Variants in NYNRIN observed in about 807,000 individuals in gnomAD.
The protein encoded by NYNRIN is NYN domain and retroviral integrase containing.
A neutral mutation model predicts 146.6 loss-of-function variants in NYNRIN; 86 were observed. The observed-to-expected ratio is 0.59, with a 90% confidence interval of 0.49 to 0.70. The LOEUF (loss-of-function observed/expected upper bound fraction) is 0.70. Among genes scored for constraint, NYNRIN ranks in the 30% least tolerant of loss-of-function variants. The probability of loss-of-function intolerance (pLI) is 0.00; values close to 1 mark genes in which losing one functional copy is unlikely to be tolerated. For synonymous variants in NYNRIN, 1,027 were observed against 1,001.3 expected (o/e 1.03, Z -0.48); for missense variants, 2,191 against 2,377.7 (o/e 0.92, Z 1.63).
chr14:24,416,596 A>G lies in NYNRIN; in HGVS notation c.4847A>G (p.Asn1616Ser), dbSNP rs775691938. The G allele has an allele frequency of 1.2e-6, 2 of 1,613,952 alleles. No homozygotes were observed. The highest frequency in any genetic ancestry group is 3.3e-5 in the Admixed American group (2 of 60,034). ...WPLRSTAPWSNLQIEVVGPVT... is the reference protein window; with the variant it reads ...WPLRSTAPWSSLQIEVVGPVT... Reference sequence around the variant, plus strand: ...CTCAGGTCGACCGCCCCCTGGTCGAACCTGCAGATCGAGGTGGTGGGCCCG... The same window carrying G: ...CTCAGGTCGACCGCCCCCTGGTCGAGCCTGCAGATCGAGGTGGTGGGCCCG... The change falls in exon 9 of 9, where the codon AAC becomes AGC. Residue 1616 changes from asparagine to serine, a missense_variant. Asn to Ser is a conservative substitution (Grantham distance 46). Transcript: ENST00000382554.
intron 8 of NYNRIN, among the ~76,000 whole-genome samples, chr14:24,413,821 C>T (rs975051095): frequency 7.2e-5 from 11 of 152,206 alleles, no homozygotes; most frequent in Admixed American, 2.6e-4. Context: ...CTGTTGGGTC[C>T]GAGGCTGCAG....
In NYNRIN at chr14:24,413,112, C is replaced by T. The variant is rs763286017; in HGVS notation, c.2744+14C>T. On this transcript the variant is annotated intron_variant, in intron 7 of 8. Coordinates refer to ENST00000382554, the MANE Select transcript of NYNRIN (RefSeq NM_025081.3). ...GGTCAAAGATCGGTAAGATGGTCCCCAGAGGCTTGAGCCATTCCTTCCCCT... is the reference window on the plus strand; with the variant it reads ...GGTCAAAGATCGGTAAGATGGTCCCTAGAGGCTTGAGCCATTCCTTCCCCT... 1.3e-6 allele frequency: 2 copies of T among 1,548,716 alleles called. No individual in the cohort carries two copies. The highest frequency in any genetic ancestry group is 1.4e-5 in the African/African-American group (1 of 73,626).
Position 24,418,655 on chromosome 14 carries a change from C to T in NYNRIN, c.*1209C>T, listed in dbSNP as rs568574812. The T allele has an allele frequency of 2.2e-4, 36 of 164,684 alleles. No homozygotes were observed. Among genetic ancestry groups the T allele is most frequent in the South Asian group, 8.7e-4 (6 of 6,880 alleles). The allele number at this position is 164,684 out of a possible 1,614,324, so 10.2% of individuals were successfully genotyped here. ...GGGCTCCAGGTGAAGGCCAGTGCCA[C>T]GTCACTCTGGCTGGCCTTCTTAGTA... On this transcript the variant is annotated 3_prime_UTR_variant, in exon 9 of 9. Transcript: ENST00000382554.
At position 24,413,013 on chromosome 14, in the gene NYNRIN, G is replaced by T. The variant is rs755102842; in HGVS notation, c.2659G>T (p.Ala887Ser). Residue 887 changes from alanine (A) to serine (S), a missense_variant, in exon 7 of 9, where the codon GCA (alanine) becomes TCA (serine). Ala to Ser is a moderately conservative substitution (Grantham distance 99, BLOSUM62 1). Transcript: ENST00000382554. ...TCCCTGCAGGTTCATGGTAAAGCTG[G>T]CAGAGGAGACAGATGGCATCATTGT... ...TYDYRFMVKL[A>S]EETDGIIVTN... 6 of 1,597,998 alleles carry T rather than the reference G, an allele frequency of 3.8e-6. No homozygotes were observed. The Admixed American group carries it at 8.7e-5, about 23-fold the overall frequency.
At chr14:24,401,693 A>G (rs1271999790) in intron 2 of NYNRIN, among the ~76,000 whole-genome samples, 1 of 152,222 alleles carries the variant, frequency 6.6e-6, no homozygotes, top group Non-Finnish European at 1.5e-5. Flanking sequence ...CATGCATGTT[A>G]CAATACTGTT....
At chr14:24,413,864 G>A (rs2042927786) in intron 8 of NYNRIN, among the ~76,000 whole-genome samples, 1 of 152,192 alleles carries the variant, frequency 6.6e-6, no homozygotes, top group African/African-American at 2.4e-5. Context: ...TTGTATCCAA[G>A]GGAAGCTGTG....
chr14:24,403,806 A>G (rs2042859805), intron 2 of NYNRIN, among the ~76,000 whole-genome samples: 2 of 152,172 alleles, frequency 1.3e-5, no homozygotes, highest in Admixed American at 1.3e-4. Flanking sequence ...CAGGAGGAAA[A>G]ATGCTGAGGT....
In NYNRIN at chr14:24,399,018, A is replaced by C; in HGVS notation, c.-86A>C. On this transcript the variant is annotated 5_prime_UTR_variant, in exon 1 of 9. Transcript: ENST00000382554. ...CCCCTAGCTACAACCCCGGGCAGGA[A>C]GAGCTCGTCGCGGTAGCAGCGGTCG... 4 of 487,780 alleles carry C rather than the reference A, an allele frequency of 8.2e-6. No homozygotes were observed. Among genetic ancestry groups the C allele is most frequent in the Non-Finnish European group, 1.4e-5 (4 of 278,296 alleles). 30.2% of individuals were successfully genotyped at this position (487,780 alleles called of 1,614,324 possible).
rs756219353 is a variant in NYNRIN, at chr14:24,417,009, G to T, written c.5260G>T (p.Asp1754Tyr). 1.9e-6 allele frequency: 3 copies of T among 1,597,706 alleles called. No homozygotes were observed. The highest frequency in any genetic ancestry group is 1.7e-5 in the Admixed American group (1 of 58,622). ...LHLAFRASST[D>Y]ATPFKVLTGG... ...CCTGGCCTTCAGGGCCTCCTCCACT[G>T]ATGCCACACCGTTCAAGGTCCTGAC... Residue 1754 changes from aspartate to tyrosine, a missense_variant, in exon 9 of 9, where the codon GAT becomes TAT. Transcript: ENST00000382554.
In NYNRIN at chr14:24,401,930, A is replaced by G. The variant is rs781685763; in HGVS notation, c.198+2486A>G. On this transcript the variant is annotated intron_variant, in intron 2 of 8. Coordinates refer to ENST00000382554, the MANE Select transcript of NYNRIN (RefSeq NM_025081.3). ...TAGGGAGGCAGCGTGGCTGGCCCCA[A>G]TCTCAGCTGTAGGGACACAGAATCA... Among the ~76,000 whole-genome samples the G allele has an allele frequency of 8.5e-5, 13 of 152,204 alleles. 1 individual carries two copies. The highest frequency in any genetic ancestry group is 6.2e-4 in the South Asian group (3 of 4,824).
chr14:24,408,052 A>G lies in NYNRIN; in HGVS notation c.382A>G (p.Ile128Val), dbSNP rs753798964. 1.9e-6 allele frequency: 3 copies of G among 1,613,940 alleles called. No homozygotes were observed. The highest frequency in any genetic ancestry group is 3.3e-5 in the Admixed American group (2 of 60,024). The change falls in exon 3 of 9, where the codon ATC (isoleucine) becomes GTC (valine). Residue 128 changes from isoleucine (I) to valine (V), a missense_variant. Transcript: ENST00000382554. ...GGTGGGCGGGCTGACTGAGTCTTTC[A>G]TCATGACACAGAACTGGCTGGAGGA... ...LMVGGLTESF[I>V]MTQNWLEELV...
chr14:24,399,269 C>T lies in NYNRIN; in HGVS notation c.23C>T (p.Pro8Leu), dbSNP rs2042824668. The change falls in exon 2 of 9, where the codon CCT becomes CTT. Residue 8 changes from proline (P) to leucine (L), a missense_variant. This residue lies in a region of NYNRIN where 895 missense variants were observed against 941.2 expected (regional missense o/e 0.95). Coordinates refer to ENST00000382554, the MANE Select transcript of NYNRIN (RefSeq NM_025081.3). MLLSGGD[P>L]PAQEWFMVQT... is the part of the protein sequence containing the mutation. ...GCCATGCTCCTGTCTGGGGGCGATCCTCCGGCGCAGGAATGGTTCATGGTG... is the reference window on the plus strand; with the variant it reads ...GCCATGCTCCTGTCTGGGGGCGATCTTCCGGCGCAGGAATGGTTCATGGTG... 6.2e-7 allele frequency: 1 copy of T among 1,613,912 alleles called. No homozygotes were observed. The highest frequency in any genetic ancestry group is 8.5e-7 in the Non-Finnish European group (1 of 1,179,854).
chr14:24,400,919 A>G (rs1469776798), intron 2 of NYNRIN, among the ~76,000 whole-genome samples: 2 of 151,472 alleles, frequency 1.3e-5, no homozygotes, highest in East Asian at 1.9e-4. Context: ...CCTTCTGAGT[A>G]GCTGGGATTA....
In NYNRIN at chr14:24,409,597, C is replaced by T. The variant is rs1179232601; in HGVS notation, c.1803C>T (p.Ala601=). The T allele has an allele frequency of 2.5e-6, 4 of 1,609,368 alleles. No individual in the cohort carries two copies. Among genetic ancestry groups the T allele is most frequent in the Middle Eastern group, 3.3e-4 (2 of 6,056 alleles). ...CAAAGCCAACAGCTCAACTGATGGC[C>T]ACAGCTCAAAAAACAGTTGTGAATC... is the stretch of plus-strand genomic sequence containing the variant. ...APTKPTAQLM[A]TAQKTVVNQP... is the part of the protein sequence containing the mutation. The change falls in exon 4 of 9, where the codon GCC becomes GCT. Residue 601 remains alanine (A), a synonymous_variant. Transcript: ENST00000382554.
chr14:24,399,180 G>C, intron 1 of NYNRIN, 50 bp from the exon 2 acceptor site: 1 of 1,492,670 alleles, frequency 6.7e-7, no homozygotes, highest in Non-Finnish European at 9.2e-7. Flanking sequence ...GGGGGCTGGG[G>C]CGCCTGCCGC....
chr14:24,418,336 A>G lies in NYNRIN; in HGVS notation c.*890A>G. 1 of 454,636 alleles carries G rather than the reference A, an allele frequency of 2.2e-6. No homozygotes were observed. Among genetic ancestry groups the G allele is most frequent in the Non-Finnish European group, 4.4e-6 (1 of 225,898 alleles). 28.2% of individuals were successfully genotyped at this position (454,636 alleles called of 1,614,324 possible). On this transcript the variant is annotated 3_prime_UTR_variant, in exon 9 of 9. Transcript: ENST00000382554. ...AGGGCGTCTGCAACAGGAGTGGCACACGGTGAAGTGCTGGCATGGCTCTAC... is the reference window on the plus strand; with the variant it reads ...AGGGCGTCTGCAACAGGAGTGGCACGCGGTGAAGTGCTGGCATGGCTCTAC...
Position 24,409,991 on chromosome 14 carries a change from C to T in NYNRIN, c.2197C>T (p.Leu733Phe). Reference protein sequence around the residue: ...QGPQSSGTLALSSKHQFQMEG... With the variant: ...QGPQSSGTLAFSSKHQFQMEG... Reference sequence around the variant, plus strand: ...TCCCCAGTCCAGTGGCACCTTGGCCCTCAGCAGTAAGCACCAGTTTCAGAT... The same window carrying T: ...TCCCCAGTCCAGTGGCACCTTGGCCTTCAGCAGTAAGCACCAGTTTCAGAT... Residue 733 changes from leucine to phenylalanine, a missense_variant, in exon 4 of 9, where the codon CTC (leucine) becomes TTC (phenylalanine). Physicochemically the swap from Leu to Phe is conservative, Grantham distance 22. Transcript: ENST00000382554. 3 of 1,613,786 alleles carry T rather than the reference C, an allele frequency of 1.9e-6. No individual in the cohort carries two copies. The highest frequency in any genetic ancestry group is 2.5e-6 in the Non-Finnish European group (3 of 1,179,766).
Position 24,399,446 on chromosome 14 carries a change from T to C in NYNRIN, c.198+2T>C. 6.2e-7 allele frequency: 1 copy of C among 1,606,548 alleles called. No individual in the cohort carries two copies. Among genetic ancestry groups the C allele is most frequent in the Non-Finnish European group, 8.5e-7 (1 of 1,176,280 alleles). ...CGAGAGAACATGGGCAAAGCCAAGGTAAACAGCTTCTCCCCACCCCCACCC... is the reference window on the plus strand; with the variant it reads ...CGAGAGAACATGGGCAAAGCCAAGGCAAACAGCTTCTCCCCACCCCCACCC... On this transcript the variant is annotated splice_donor_variant, in intron 2 of 8. Transcript: ENST00000382554. LOFTEE classifies it high-confidence loss of function.
At chr14:24,407,763 TG>T in intron 2 of NYNRIN, 105 bp from the exon 3 acceptor site, 1 of 1,056,326 alleles carries the variant, frequency 9.5e-7, no homozygotes, top group Non-Finnish European at 1.4e-6. Flanking sequence ...GTGGTAGTGG[TG>T]GGGCCACATG....
Sources: allele counts gnomAD v4.1 joint callset (sites outside exome capture counted in the v4.1 genomes callset), GRCh38; gene constraint gnomAD v4.1.1; regional missense constraint gnomAD v4.1.1; transcripts MANE v1.5; gene names NCBI Gene and HGNC (gene_info 2026-07-23, HGNC 2026-07-21).